The following ITPRIP variants were observed in gnomAD, a reference collection of about 807,000 sequenced individuals.
ITPRIP encodes the protein inositol 1,4,5-trisphosphate receptor-interacting protein.
Under a neutral mutation model 35.8 loss-of-function variants are expected in ITPRIP, and 32 were observed. The observed-to-expected ratio is 0.89, with a 90% confidence interval of 0.68 to 1.20. The LOEUF (loss-of-function observed/expected upper bound fraction) is 1.20, where lower values mean the gene tolerates loss of function less well. Among genes scored for constraint, ITPRIP ranks in the 50% most tolerant of loss-of-function variants. ITPRIP has a pLI of 0.00. For missense variants in ITPRIP, 653 were observed against 735.6 expected, an observed-to-expected ratio of 0.89 and a Z score of 1.30; for synonymous variants, 358 against 324.0, an observed-to-expected ratio of 1.11 and a Z score of -1.13.
At position 104,328,025 on chromosome 10, in the gene ITPRIP, G is replaced by A. The variant is rs534857315; in HGVS notation, c.-14+10221C>T. ...AGCAACTGGCATAGACCTGCGCTCC[G>A]TGCTAAGGACACACACTATCCTGGG... On this transcript the variant is annotated intron_variant, in intron 1 of 1. Coordinates refer to ENST00000337478, the MANE Select transcript of ITPRIP (RefSeq NM_001272013.2). This position sits in a 1 kb window ranked among gnomAD's most constrained non-coding sequence, Gnocchi z 4.1. Among the ~76,000 whole-genome samples, 2 of 152,266 alleles carry A rather than the reference G, an allele frequency of 1.3e-5. No individual in the cohort carries two copies. The highest frequency in any genetic ancestry group is 1.3e-4 in the Admixed American group (2 of 15,304).
Position 104,315,652 on chromosome 10 carries a change from G to C in ITPRIP, c.400C>G (p.Leu134Val). Residue 134 changes from leucine to valine, a missense_variant, in exon 2 of 2, where the codon CTC (leucine) becomes GTC (valine). Transcript: ENST00000337478. The surrounding 1 kb of genome is among the most constrained non-coding windows in gnomAD (Gnocchi z 5.7). Reference protein sequence around the residue: ...PGLGGAPLQGLTLPNKATLGH... With the variant: ...PGLGGAPLQGVTLPNKATLGH... ...AGCGTGGCCTTGTTGGGCAGGGTGAGGCCCTGCAAGGGGGCGCCCCCCAGC... is the reference window on the plus strand; with the variant it reads ...AGCGTGGCCTTGTTGGGCAGGGTGACGCCCTGCAAGGGGGCGCCCCCCAGC... 6.2e-7 allele frequency: 1 copy of C among 1,612,366 alleles called. No homozygotes were observed. The highest frequency in any genetic ancestry group is 8.5e-7 in the Non-Finnish European group (1 of 1,179,866).
chr10:104,335,928 T>TG (rs1020607444), intron 1 of ITPRIP, among the ~76,000 whole-genome samples: 10 of 140,546 alleles, frequency 7.1e-5, no homozygotes, highest in African/African-American at 2.1e-4. Flanking sequence ...TAAGTACTTT[T>TG]GGGGAAAAAA....
rs980742944 is a variant in ITPRIP, at chr10:104,338,396, G to T, written c.-164C>A. ...CACTTAGAGGGGCGCGGGCGGCGAT[G>T]CCCCCGCTGGCTCCCACCTTCTGGC... On this transcript the variant is annotated 5_prime_UTR_variant, in exon 1 of 2. Transcript: ENST00000337478. The T allele has an allele frequency of 2.6e-5, 4 of 152,226 alleles. No individual in the cohort carries two copies. Among genetic ancestry groups the T allele is most frequent in the African/African-American group, 4.8e-5 (2 of 41,380 alleles). 9.4% of individuals were successfully genotyped at this position (152,226 alleles called of 1,614,324 possible). A position where few individuals can be genotyped will look rare whatever the true frequency, so the allele number is the denominator to read the frequency against.
chr10:104,334,046 C>G (rs1034603302), intron 1 of ITPRIP: 3 of 152,248 alleles, frequency 2.0e-5, no homozygotes, highest in Admixed American at 2.0e-4. Context: ...AAGGCACCTG[C>G]CCAACTACTG....
chr10:104,330,899 C>G (rs2014134561), intron 1 of ITPRIP, among the ~76,000 whole-genome samples: 1 of 152,214 alleles, frequency 6.6e-6, no homozygotes, highest in Non-Finnish European at 1.5e-5. Flanking sequence ...CATGAAGCCA[C>G]GAGCTGTGCT....
chr10:104,315,569 CCGGGT>C lies in ITPRIP; in HGVS notation c.478_482del (p.Thr160GlyfsTer9). Reference sequence around the variant, plus strand: ...CATCCACGAAGCCTTCCAGGAACTCCCGGGTACGGGCTGCATCGGCCGTGGCCCCC... The same window carrying C: ...CATCCACGAAGCCTTCCAGGAACTCCACGGGCTGCATCGGCCGTGGCCCCC... On this transcript the variant is annotated frameshift_variant, in exon 2 of 2. Transcript: ENST00000337478. LOFTEE classifies it high-confidence loss of function. The surrounding 1 kb of genome is among the most constrained non-coding windows in gnomAD (Gnocchi z 5.7). 6.2e-7 allele frequency: 1 copy of C among 1,614,064 alleles called. No individual in the cohort carries two copies.
Position 104,312,779 on chromosome 10 carries a change from A to T in ITPRIP, c.*1629T>A, listed in dbSNP as rs1000403677. The T allele has an allele frequency of 6.1e-6, 6 of 984,818 alleles. No homozygotes were observed. In the African/African-American group the frequency reaches 8.8e-5, roughly 14 times the overall value. 61.0% of individuals were successfully genotyped at this position (984,818 alleles called of 1,614,324 possible). A position where few individuals can be genotyped will look rare whatever the true frequency, so the allele number is the denominator to read the frequency against. Reference sequence around the variant, plus strand: ...GAGCACTCCTGGGGATGGGGGAAGGATCTCCTTCCTTCAGTTTGTGGGGTA... The same window carrying T: ...GAGCACTCCTGGGGATGGGGGAAGGTTCTCCTTCCTTCAGTTTGTGGGGTA... On this transcript the variant is annotated 3_prime_UTR_variant, in exon 2 of 2. Transcript: ENST00000337478.
intron 1 of ITPRIP, among the ~76,000 whole-genome samples, chr10:104,337,457 G>A (rs544714875): frequency 6.6e-6 from 1 of 152,204 alleles, no homozygotes; most frequent in Admixed American, 6.5e-5. Context: ...GCCTGGTTCC[G>A]TAAAATATTT....
chr10:104,329,245 C>T (rs1466921739), intron 1 of ITPRIP, among the ~76,000 whole-genome samples: 1 of 151,496 alleles, frequency 6.6e-6, no homozygotes, highest in Non-Finnish European at 1.5e-5. Context: ...ACAATAGAGC[C>T]GGGCCTCTGC....
intron 1 of ITPRIP, among the ~76,000 whole-genome samples, chr10:104,337,684 G>A (rs1310088704): frequency 6.6e-6 from 1 of 151,938 alleles, no homozygotes; most frequent in African/African-American, 2.4e-5. Flanking sequence ...CCCACTAATA[G>A]TCCCGAAAGA....
rs2014013162 is a variant in ITPRIP, at chr10:104,326,389, C to T, written c.-13-10325G>A. Reference sequence around the variant, plus strand: ...CTCCCAGGAAGGACAGAGTGTCCCTCCGTCCAGCCACTCTGCCTGCCTCCT... The same window carrying T: ...CTCCCAGGAAGGACAGAGTGTCCCTTCGTCCAGCCACTCTGCCTGCCTCCT... On this transcript the variant is annotated intron_variant, in intron 1 of 1. Transcript: ENST00000337478. The surrounding 1 kb of genome is among the most constrained non-coding windows in gnomAD (Gnocchi z 4.8). 6.6e-6 allele frequency: 1 copy of T among 152,226 alleles called. No individual in the cohort carries two copies. Among genetic ancestry groups the T allele is most frequent in the Non-Finnish European group, 1.5e-5 (1 of 68,044 alleles). 9.4% of individuals were successfully genotyped at this position (152,226 alleles called of 1,614,324 possible).
At chr10:104,322,256 G>A (rs1314062892) in intron 1 of ITPRIP, among the ~76,000 whole-genome samples, 1 of 152,158 alleles carries the variant, frequency 6.6e-6, no homozygotes, top group Non-Finnish European at 1.5e-5. Context: ...AGGAACAGTA[G>A]GAGCATGTGT....
At position 104,314,314 on chromosome 10, in the gene ITPRIP, T is replaced by G. The variant is rs1347250925; in HGVS notation, c.*94A>C. The G allele has an allele frequency of 6.6e-7, 1 of 1,516,560 alleles. No homozygotes were observed. The highest frequency in any genetic ancestry group is 1.4e-5 in the African/African-American group (1 of 71,752). The allele number at this position is 1,516,560 out of a possible 1,614,324, so 93.9% of individuals were successfully genotyped here. A position where few individuals can be genotyped will look rare whatever the true frequency, so the allele number is the denominator to read the frequency against. ...GCACGGCTCCCACGAAAGCCCGCCT[T>G]GTCCCCAGAACAGGGCTGGCAGATG... On this transcript the variant is annotated 3_prime_UTR_variant, in exon 2 of 2. Coordinates refer to ENST00000337478, the MANE Select transcript of ITPRIP (RefSeq NM_001272013.2).
Position 104,314,664 on chromosome 10 carries a change from C to A in ITPRIP, c.1388G>T (p.Cys463Phe). Residue 463 changes from cysteine (C) to phenylalanine (F), a missense_variant, in exon 2 of 2, where the codon TGC (cysteine) becomes TTC (phenylalanine). By Grantham distance (205) the Cys-to-Phe change is radical. Transcript: ENST00000337478. ...QLDARLHELL[C>F]FLEKSLLQKK... Reference sequence around the variant, plus strand: ...CTGGAGCAAGCTCTTCTCCAGGAAGCACAGCAACTCGTGCAGACGAGCGTC... The same window carrying A: ...CTGGAGCAAGCTCTTCTCCAGGAAGAACAGCAACTCGTGCAGACGAGCGTC... 1 of 1,613,972 alleles carries A rather than the reference C, an allele frequency of 6.2e-7. No individual in the cohort carries two copies. The highest frequency in any genetic ancestry group is 8.5e-7 in the Non-Finnish European group (1 of 1,179,972).
chr10:104,315,137 C>T lies in ITPRIP; in HGVS notation c.915G>A (p.Gln305=), dbSNP rs141252425. The change falls in exon 2 of 2, where the codon CAG becomes CAA. Residue 305 remains glutamine (Q), a synonymous_variant. Transcript: ENST00000337478. This position sits in a 1 kb window ranked among gnomAD's most constrained non-coding sequence, Gnocchi z 5.7. ...LDTMQVMKWF[Q]TALTRAWKGI... ...CCTTCCAGGCTCTGGTGAGGGCCGTCTGGAACCACTTCATGACCTGCATCG... is the reference window on the plus strand; with the variant it reads ...CCTTCCAGGCTCTGGTGAGGGCCGTTTGGAACCACTTCATGACCTGCATCG... 9.3e-4 allele frequency: 1,501 copies of T among 1,614,082 alleles called. 24 individuals are homozygous for T. In the South Asian group the frequency reaches 0.011, roughly 12 times the overall value.
rs777486956 is a variant in ITPRIP at position 104,315,221 on chromosome 10, C to A, written c.831G>T (p.Ala277=). The change falls in exon 2 of 2, where the codon GCG becomes GCT. Residue 277 remains alanine, a synonymous_variant. Coordinates refer to ENST00000337478, the MANE Select transcript of ITPRIP (RefSeq NM_001272013.2). This position sits in a 1 kb window ranked among gnomAD's most constrained non-coding sequence, Gnocchi z 5.7. ...LCLLHGRNSM[A]PPCGDMENLL... ...GGTTCTCCATGTCGCCGCAGGGAGG[C>A]GCCATGCTGTTCCTGCCGTGCAGGA... 1 of 1,613,848 alleles carries A rather than the reference C, an allele frequency of 6.2e-7. No individual in the cohort carries two copies. Among genetic ancestry groups the A allele is most frequent in the East Asian group, 2.2e-5 (1 of 44,850 alleles).
intron 1 of ITPRIP, among the ~76,000 whole-genome samples, chr10:104,316,271 A>T (rs1434980573): frequency 6.6e-6 from 1 of 152,080 alleles, no homozygotes; most frequent in Non-Finnish European, 1.5e-5. Context: ...CATCTGTTTT[A>T]GTCCTACCCA....
At chr10:104,330,536 G>A (rs1010282636) in intron 1 of ITPRIP, among the ~76,000 whole-genome samples, 4 of 152,172 alleles carry the variant, frequency 2.6e-5, no homozygotes, top group Admixed American at 6.5e-5. Flanking sequence ...CTGCCTTGCC[G>A]TGGACACCTC....
Position 104,313,226 on chromosome 10 carries a change from GC to G in ITPRIP, c.*1181del. 2.0e-6 allele frequency: 2 copies of G among 985,568 alleles called. No individual in the cohort carries two copies. The highest frequency in any genetic ancestry group is 2.4e-6 in the Non-Finnish European group (2 of 830,020). 61.1% of individuals were successfully genotyped at this position (985,568 alleles called of 1,614,324 possible). On this transcript the variant is annotated 3_prime_UTR_variant, in exon 2 of 2. Transcript: ENST00000337478. ...ATTGGGACCCTGAGGACAACCTGGG[GC>G]TATGACATCCTTGGCCCCTGATCTC... is the stretch of plus-strand genomic sequence containing the variant.
Sources: gnomAD v4.1 joint callset for allele counts (sites outside exome capture counted in the v4.1 genomes callset) on GRCh38, gnomAD v4.1.1 for gene constraint, Gnocchi (gnomAD v3.1) non-coding constraint, MANE v1.5 for transcripts, NCBI Gene and HGNC (gene_info 2026-07-23, HGNC 2026-07-21) for gene names.